ZNF638: variants seen among roughly 807,000 people sequenced by gnomAD.
ZNF638 encodes the protein zinc finger protein 638.
A neutral mutation model predicts 195.6 loss-of-function variants in ZNF638; 46 were observed. That is an observed-to-expected ratio of 0.24 (90% CI 0.19 to 0.30). The LOEUF (loss-of-function observed/expected upper bound fraction) is 0.30. Ranked by LOEUF, ZNF638 falls within the 10% of genes least tolerant of loss-of-function variation. The pLI is 1.00. For missense variants in ZNF638, 2,440 were observed against 2,325.3 expected, an observed-to-expected ratio of 1.05 and a Z score of -1.01; for synonymous variants, 845 against 772.0, an observed-to-expected ratio of 1.09 and a Z score of -1.57.
intron 27 of ZNF638, among the ~76,000 whole-genome samples, chr2:71,433,730 T>C (rs190586037): frequency 1.0e-3 from 158 of 152,368 alleles, no homozygotes; most frequent in Non-Finnish European, 1.5e-3. Context: ...TTAACCATAA[T>C]TGAAGTGGTG....
Position 71,380,535 on chromosome 2 carries a change from G to A in ZNF638, c.2347G>A (p.Ala783Thr), listed in dbSNP as rs747260428. 8.7e-6 allele frequency: 14 copies of A among 1,604,786 alleles called. No homozygotes were observed. The highest frequency in any genetic ancestry group is 1.7e-4 in the Middle Eastern group (1 of 6,010). The change falls in exon 10 of 28, where the codon GCT becomes ACT. Residue 783 changes from alanine (A) to threonine (T), a missense_variant. Transcript: ENST00000264447. ...TLKRDADASK[A>T]VEIVTSTSAA... ...TAGAAGAGATGCAGATGCTTCAAAA[G>A]CTGTTGAAATTGTTACTTCAACTTC...
intron 1 of ZNF638, among the ~76,000 whole-genome samples, chr2:71,342,690 G>T (rs2104124069): frequency 6.6e-6 from 1 of 152,260 alleles, no homozygotes. Context: ...GTGCGTGTGT[G>T]TGTGTGTCTT....
intron 5 of ZNF638, among the ~76,000 whole-genome samples, chr2:71,364,960 C>T (rs983572641): frequency 6.6e-6 from 1 of 152,116 alleles, no homozygotes; most frequent in African/African-American, 2.4e-5. Flanking sequence ...TTAAGCTCAA[C>T]ATTAAAATGT....
At position 71,423,562 on chromosome 2, in the gene ZNF638, A is replaced by C; in HGVS notation, c.4048A>C (p.Lys1350Gln). ...AAAGGTGGAAAAGATGGCAGCAATG[A>C]AAGAAAAGCCTGCAGAAAACACTTT... ...AEKVEKMAAM[K>Q]EKPAENTLFK... The change falls in exon 22 of 28, where the codon AAA becomes CAA. Residue 1350 changes from lysine (K) to glutamine (Q), a missense_variant. Lys to Gln is a moderately conservative substitution (Grantham distance 53). This residue lies in a region of ZNF638 where 1,883 missense variants were observed against 1,739.1 expected (regional missense o/e 1.08). Coordinates refer to ENST00000264447, the MANE Select transcript of ZNF638 (RefSeq NM_014497.5). The C allele has an allele frequency of 1.2e-6, 2 of 1,614,074 alleles. No individual in the cohort carries two copies. Among genetic ancestry groups the C allele is most frequent in the Non-Finnish European group, 1.7e-6 (2 of 1,180,016 alleles).
chr2:71,418,734 A>G (rs2080357468), intron 21 of ZNF638, 95 bp downstream of exon 21: 2 of 869,890 alleles, frequency 2.3e-6, no homozygotes. Flanking sequence ...TGTAGTGAAA[A>G]GTTCTTTTCT....
At position 71,434,894 on chromosome 2, in the gene ZNF638, G is replaced by A. The variant is rs1049747176; in HGVS notation, c.*87G>A. 35 of 1,209,798 alleles carry A rather than the reference G, an allele frequency of 2.9e-5. 1 individual carries two copies. In the South Asian group the frequency reaches 3.2e-4, roughly 11 times the overall value. The allele number at this position is 1,209,798 out of a possible 1,614,324, so 74.9% of individuals were successfully genotyped here. ...TGTTATCATTTAATTTGTAATTTTCGTTTCAGAAGCAAATATTCGTGTTGT... is the reference window on the plus strand; with the variant it reads ...TGTTATCATTTAATTTGTAATTTTCATTTCAGAAGCAAATATTCGTGTTGT... On this transcript the variant is annotated 3_prime_UTR_variant, in exon 28 of 28. Coordinates refer to ENST00000264447, the MANE Select transcript of ZNF638 (RefSeq NM_014497.5).
In ZNF638 at chr2:71,433,402, C is replaced by A. The variant is rs1233706492; in HGVS notation, c.5871+119C>A. The A allele has an allele frequency of 2.4e-5, 17 of 697,128 alleles. No homozygotes were observed. The East Asian group carries it at 4.6e-4, about 19-fold the overall frequency. 43.2% of individuals were successfully genotyped at this position (697,128 alleles called of 1,614,324 possible). A position where few individuals can be genotyped will look rare whatever the true frequency, so the allele number is the denominator to read the frequency against. ...AGGAGAATGTTTATGCCAGTTTATT[C>A]CTCTTAAGTCCTGTTTTCTCCTTCA... On this transcript the variant is annotated intron_variant, in intron 27 of 27. Transcript: ENST00000264447.
intron 2 of ZNF638, among the ~76,000 whole-genome samples, chr2:71,351,007 T>C (rs1331660024): frequency 2.0e-5 from 3 of 152,242 alleles, no homozygotes; most frequent in African/African-American, 7.2e-5. Flanking sequence ...TGTTCAGTCG[T>C]AATCATTGGT....
At chr2:71,355,852 A>T in intron 3 of ZNF638, 72 bp downstream of exon 3, 1 of 849,100 alleles carries the variant, frequency 1.2e-6, no homozygotes, top group South Asian at 1.9e-5. Flanking sequence ...GTGACTGTTA[A>T]ATACCTTTAG....
In ZNF638 at chr2:71,363,122, TGTTA is replaced by T. The variant is rs1318072431; in HGVS notation, c.1380-26_1380-23del. 7 of 1,538,198 alleles carry T rather than the reference TGTTA, an allele frequency of 4.6e-6. No homozygotes were observed. In the South Asian group the frequency reaches 6.9e-5, roughly 15 times the overall value. ...TTGAGCCTTACAGTCTGATTTTAGC[TGTTA>T]GTTAATATTGTTTATTTTCAAAATA... is the stretch of plus-strand genomic sequence containing the variant. On this transcript the variant is annotated intron_variant, in intron 3 of 27. Coordinates refer to ENST00000264447, the MANE Select transcript of ZNF638 (RefSeq NM_014497.5).
intron 25 of ZNF638, among the ~76,000 whole-genome samples, chr2:71,430,818 C>T (rs2080642733): frequency 6.6e-6 from 1 of 152,162 alleles, no homozygotes; most frequent in Admixed American, 6.5e-5. Context: ...AGTCTGCTAA[C>T]ATTGAGTGCT....
At chr2:71,424,433 A>T (rs1264300606) in intron 22 of ZNF638, among the ~76,000 whole-genome samples, 2 of 152,312 alleles carry the variant, frequency 1.3e-5, no homozygotes, top group Middle Eastern at 3.4e-3. Flanking sequence ...TGGGACGAAA[A>T]GATCAGTAAA....
chr2:71,341,098 G>A (rs531972422), intron 1 of ZNF638, among the ~76,000 whole-genome samples: 1 of 152,260 alleles, frequency 6.6e-6, no homozygotes, highest in African/African-American at 2.4e-5. Context: ...GGCAGTTCTT[G>A]GTTGTCTGTG....
chr2:71,412,801 A>C (rs1435000212), intron 20 of ZNF638, among the ~76,000 whole-genome samples: 1 of 101,812 alleles, frequency 9.8e-6, no homozygotes, highest in Non-Finnish European at 1.9e-5. Flanking sequence ...ATGCGGCATT[A>C]TTTCTGAGGG....
chr2:71,388,088 T>C lies in ZNF638; in HGVS notation c.2377+7523T>C, dbSNP rs151041248. ...GAAGGTTGATCATTTCAGTTAACCA[T>C]GTTAGGTTTTTGTAGGAGATTGGTC... is the stretch of plus-strand genomic sequence containing the variant. On this transcript the variant is annotated intron_variant, in intron 10 of 27. Transcript: ENST00000264447. 6.0e-3 allele frequency among the ~76,000 whole-genome samples: 921 copies of C among 152,242 alleles called. 7 individuals carry two copies. The highest frequency in any genetic ancestry group is 0.014 in the Middle Eastern group (4 of 294).
chr2:71,355,834 G>T, intron 3 of ZNF638, 54 bp downstream of exon 3: 8 of 1,068,148 alleles, frequency 7.5e-6, no homozygotes, highest in Non-Finnish European at 1.1e-5. Context: ...AATAGTTAAT[G>T]TTCAGATGTG....
intron 13 of ZNF638, 82 bp from the exon 14 acceptor site, chr2:71,400,030 C>G (rs2079974788): frequency 8.5e-7 from 1 of 1,173,736 alleles, no homozygotes; most frequent in Non-Finnish European, 1.2e-6. Flanking sequence ...AAATGTCAAA[C>G]TAGCTTAAGT....
At position 71,363,269 on chromosome 2, in the gene ZNF638, C is replaced by T. The variant is rs577594568; in HGVS notation, c.1418+78C>T. On this transcript the variant is annotated intron_variant, in intron 4 of 27. Transcript: ENST00000264447. ...AACAGTTAATTTTAAGAAAGTGATT[C>T]TTTTGAGTTCTACTTCTGCCATTTA... is the stretch of plus-strand genomic sequence containing the variant. The T allele has an allele frequency of 9.3e-6, 10 of 1,075,654 alleles. No homozygotes were observed. In the African/African-American group the frequency reaches 9.7e-5, roughly 10 times the overall value. 66.6% of individuals were successfully genotyped at this position (1,075,654 alleles called of 1,614,324 possible).
At position 71,369,876 on chromosome 2, in the gene ZNF638, A is replaced by T; in HGVS notation, c.2143-7A>T. 1 of 1,568,730 alleles carries T rather than the reference A, an allele frequency of 6.4e-7. No homozygotes were observed. ...TGTGACTAAAGATGGAATAAATTTCATTTTAGGCTTACCTAGAAATGGAAT... is the reference window on the plus strand; with the variant it reads ...TGTGACTAAAGATGGAATAAATTTCTTTTTAGGCTTACCTAGAAATGGAAT... On this transcript the variant is annotated splice_polypyrimidine_tract_variant and splice_region_variant and intron_variant, in intron 7 of 27. Coordinates refer to ENST00000264447, the MANE Select transcript of ZNF638 (RefSeq NM_014497.5).
Sources: allele counts gnomAD v4.1 joint callset (sites outside exome capture counted in the v4.1 genomes callset), GRCh38; gene constraint gnomAD v4.1.1; regional missense constraint gnomAD v4.1.1; transcripts MANE v1.5; gene names NCBI Gene and HGNC (gene_info 2026-07-23, HGNC 2026-07-21).